Variants in CALCRL observed in about 807,000 individuals in gnomAD.
CALCRL encodes the protein calcitonin gene-related peptide type 1 receptor.
CALCRL carries 27 observed loss-of-function variants against 60.4 expected under a neutral mutation model. The observed-to-expected ratio is 0.45, with a 90% confidence interval of 0.33 to 0.62. CALCRL has a LOEUF of 0.62. CALCRL is among the 20% of genes least tolerant of loss of function. The pLI, the probability that CALCRL is intolerant of heterozygous loss-of-function variation, is 0.03. For synonymous variants in CALCRL, 190 were observed against 182.6 expected, an observed-to-expected ratio of 1.04 and a Z score of -0.33; for missense variants, 424 against 540.7, an observed-to-expected ratio of 0.78 and a Z score of 2.14.
intron 1 of CALCRL, among the ~76,000 whole-genome samples, chr2:187,400,259 A>G (rs780836287): frequency 2.6e-5 from 4 of 151,414 alleles, no homozygotes; most frequent in Admixed American, 6.6e-5. Flanking sequence ...GATCTAACAA[A>G]TACTCAATAA....
At chr2:187,352,578 G>T (rs1253879771) in intron 12 of CALCRL, among the ~76,000 whole-genome samples, 3 of 151,568 alleles carry the variant, frequency 2.0e-5, no homozygotes, top group Non-Finnish European at 4.4e-5. Context: ...AATTACTGTG[G>T]AACATATTCA....
rs544305548 is a variant in CALCRL, at chr2:187,397,361, C to T, written c.-292-9605G>A. On this transcript the variant is annotated intron_variant, in intron 1 of 14. Coordinates refer to ENST00000392370, the MANE Select transcript of CALCRL (RefSeq NM_005795.6). The stretch of plus-strand genomic sequence containing the variant: ...AATAAAGTGAATTGTAAGTATATTC[C>T]CAGATAGGATATCAATCTAGTTAAT... 2.0e-5 allele frequency among the ~76,000 whole-genome samples: 3 copies of T among 151,142 alleles called. No homozygotes were observed. The South Asian group carries it at 6.3e-4, about 31-fold the overall frequency.
intron 14 of CALCRL, among the ~76,000 whole-genome samples, chr2:187,346,904 G>T (rs1020257577): frequency 6.6e-6 from 1 of 151,750 alleles, no homozygotes; most frequent in East Asian, 1.9e-4. Flanking sequence ...CCATATGCCA[G>T]AAATTGTGCT....
chr2:187,381,829 A>T (rs987328132), intron 5 of CALCRL, among the ~76,000 whole-genome samples: 20 of 152,186 alleles, frequency 1.3e-4, no homozygotes, highest in African/African-American at 4.8e-4. Context: ...TTTTTAACAG[A>T]TTTGCAAGGC....
intron 1 of CALCRL, among the ~76,000 whole-genome samples, chr2:187,414,299 T>C (rs1009326043): frequency 6.6e-6 from 1 of 152,116 alleles, no homozygotes; most frequent in African/African-American, 2.4e-5. Context: ...AGAAAGTTAA[T>C]TTGCAAATTT....
intron 9 of CALCRL, among the ~76,000 whole-genome samples, chr2:187,362,395 G>T (rs1246990638): frequency 6.6e-6 from 1 of 151,978 alleles, no homozygotes; most frequent in Non-Finnish European, 1.5e-5. Flanking sequence ...ACATATACAA[G>T]ATTAAGCAAT....
chr2:187,432,982 C>T (rs1690465587), intron 1 of CALCRL, among the ~76,000 whole-genome samples: 2 of 152,052 alleles, frequency 1.3e-5, no homozygotes, highest in Admixed American at 6.6e-5. Context: ...GCTATCCTAT[C>T]TAGGTTTCTG....
chr2:187,429,346 T>G (rs935994224), intron 1 of CALCRL, among the ~76,000 whole-genome samples: 1 of 152,188 alleles, frequency 6.6e-6, no homozygotes, highest in Non-Finnish European at 1.5e-5. Context: ...TTTCTAGCTA[T>G]TATCTTTAGG....
At chr2:187,435,717 C>A (rs1402910122) in intron 1 of CALCRL, among the ~76,000 whole-genome samples, 3 of 151,938 alleles carry the variant, frequency 2.0e-5, no homozygotes, top group African/African-American at 7.3e-5. Context: ...GATGGAGCTG[C>A]CTTATACAGT....
At chr2:187,350,188 T>C (rs907608754) in intron 14 of CALCRL, among the ~76,000 whole-genome samples, 6 of 151,620 alleles carry the variant, frequency 4.0e-5, no homozygotes, top group Non-Finnish European at 3.0e-5. Context: ...TATTTAAAAA[T>C]TAGTTCATGG....
intron 14 of CALCRL, among the ~76,000 whole-genome samples, chr2:187,350,356 T>G (rs1686471317): frequency 6.6e-6 from 1 of 151,564 alleles, no homozygotes; most frequent in Admixed American, 6.6e-5. Context: ...ACATTAAATT[T>G]ATAGAGGTAT....
intron 8 of CALCRL, among the ~76,000 whole-genome samples, chr2:187,366,268 A>AAAG (rs1399722761): frequency 8.7e-5 from 13 of 149,276 alleles, no homozygotes; most frequent in Non-Finnish European, 1.6e-4. Flanking sequence ...AAAAAAAAAA[A>AAAG]AGAGGAATAA....
chr2:187,424,823 A>G (rs895814088), intron 1 of CALCRL, among the ~76,000 whole-genome samples: 33 of 152,132 alleles, frequency 2.2e-4, no homozygotes, highest in Middle Eastern at 3.4e-3. Context: ...ATATTTTGTC[A>G]AAACTGATAT....
chr2:187,410,069 A>G (rs1483559519), intron 1 of CALCRL, among the ~76,000 whole-genome samples: 1 of 152,206 alleles, frequency 6.6e-6, no homozygotes, highest in Non-Finnish European at 1.5e-5. Flanking sequence ...GTGGTTTAGC[A>G]CTGAGCAACA....
In CALCRL at chr2:187,385,562, G is replaced by A; in HGVS notation, c.34C>T (p.Leu12Phe). ...ATGCTTACCATAAAAAAAGGCAAGA[G>A]AACCAGAAAATACAGGGTACACTTT... ...EKKCTLYFLV[L>F]LPFFMILVTA... Residue 12 changes from leucine (L) to phenylalanine (F), a missense_variant, in exon 4 of 15, where the codon CTC becomes TTC. Around this residue, in one of 7 missense-constraint regions of CALCRL, gnomAD observed 108 missense variants for 132.9 expected, o/e 0.81. Coordinates refer to ENST00000392370, the MANE Select transcript of CALCRL (RefSeq NM_005795.6). The A allele has an allele frequency of 6.5e-7, 1 of 1,540,858 alleles. No homozygotes were observed. The highest frequency in any genetic ancestry group is 8.9e-7 in the Non-Finnish European group (1 of 1,121,832).
intron 8 of CALCRL, among the ~76,000 whole-genome samples, chr2:187,371,162 T>G (rs925692583): frequency 6.6e-6 from 1 of 151,644 alleles, no homozygotes; most frequent in African/African-American, 2.4e-5. Context: ...GAGAATGTTG[T>G]GAACCTGGGC....
rs1262344395 is a variant in CALCRL, at chr2:187,342,067, A to AT, written c.*4116dup. On this transcript the variant is annotated 3_prime_UTR_variant, in exon 15 of 15. Coordinates refer to ENST00000392370, the MANE Select transcript of CALCRL (RefSeq NM_005795.6). Reference sequence around the variant, plus strand: ...AAATGTGGTATGTTCACCCAATGGAATAAAAGGAAACATTGATACATGCCA... The same window carrying AT: ...AAATGTGGTATGTTCACCCAATGGAATTAAAAGGAAACATTGATACATGCCA... Among the ~76,000 whole-genome samples, 195 of 152,060 alleles carry AT rather than the reference A, an allele frequency of 1.3e-3. No homozygotes were observed. Among genetic ancestry groups the AT allele is most frequent in the African/African-American group, 4.4e-3 (181 of 41,568 alleles).
intron 1 of CALCRL, among the ~76,000 whole-genome samples, chr2:187,403,042 C>A (rs1688960784): frequency 6.6e-6 from 1 of 151,524 alleles, no homozygotes; most frequent in African/African-American, 2.4e-5. Flanking sequence ...GGAAGAGGGC[C>A]CTCACCAAGA....
intron 1 of CALCRL, among the ~76,000 whole-genome samples, chr2:187,407,092 C>G (rs10931289): frequency 0.69 from 104,583 of 151,818 alleles, 36,214 homozygotes; most frequent in East Asian, 0.87. Flanking sequence ...GATAAAGTTA[C>G]GTCTGTTTTT....
Sources: gnomAD v4.1 joint callset for allele counts (sites outside exome capture counted in the v4.1 genomes callset) on GRCh38, gnomAD v4.1.1 for gene constraint, gnomAD v4.1.1 regional missense constraint, MANE v1.5 for transcripts, NCBI Gene and HGNC (gene_info 2026-07-23, HGNC 2026-07-21) for gene names.